PCDHGA2: variants seen among roughly 807,000 people sequenced by gnomAD.
PCDHGA2 encodes the protein protocadherin gamma subfamily A, 2, also known as protocadherin gamma-A2.
PCDHGA2 carries 40 observed loss-of-function variants against 59.2 expected under a neutral mutation model. The ratio of observed to expected loss-of-function variants is 0.68; its 90% CI spans 0.52 to 0.88. The LOEUF is 0.88. Among genes scored for constraint, PCDHGA2 ranks in the 40% least tolerant of loss-of-function variants. The pLI is 0.00. For synonymous variants in PCDHGA2, 560 were observed against 526.0 expected (o/e 1.06, Z -0.89); for missense variants, 1,226 against 1,204.0 (o/e 1.02, Z -0.27).
intron 1 of PCDHGA2, chr5:141,410,156 C>T: frequency 6.2e-7 from 1 of 1,613,514 alleles, no homozygotes; most frequent in Non-Finnish European, 8.5e-7. Context: ...CGGTGGACAG[C>T]CGCCACTCTC....
chr5:141,448,192 TACAAAC>T (rs2098573842), intron 1 of PCDHGA2, among the ~76,000 whole-genome samples: 1 of 152,188 alleles, frequency 6.6e-6, no homozygotes, highest in Non-Finnish European at 1.5e-5. Flanking sequence ...TATGTACACT[TACAAAC>T]ATTTTCTGTG....
At chr5:141,428,082 G>C (rs776612130) in intron 1 of PCDHGA2, 2 of 1,609,030 alleles carry the variant, frequency 1.2e-6, no homozygotes, top group Non-Finnish European at 8.5e-7. Flanking sequence ...GGGACACAAC[G>C]CTTGGCTGTC....
chr5:141,373,098 C>T (rs1402463048), intron 1 of PCDHGA2, among the ~76,000 whole-genome samples: 2 of 152,208 alleles, frequency 1.3e-5, no homozygotes, highest in Non-Finnish European at 2.9e-5. Flanking sequence ...CTGTCATTTT[C>T]AGACATATCT....
rs548263490 is a variant in PCDHGA2, at chr5:141,390,417, A to G, written c.2424+49022A>G. On this transcript the variant is annotated intron_variant, in intron 1 of 3. Transcript: ENST00000394576. ...CATTTTAGGAAAGTTGTAGTCAGTT[A>G]AAAAGCTGTCATATCATTCTACAAA... 4 of 1,127,796 alleles carry G rather than the reference A, an allele frequency of 3.5e-6. No homozygotes were observed. The South Asian group carries it at 4.8e-5, about 13-fold the overall frequency. 69.9% of individuals were successfully genotyped at this position (1,127,796 alleles called of 1,614,324 possible). A position where few individuals can be genotyped will look rare whatever the true frequency, so the allele number is the denominator to read the frequency against.
intron 1 of PCDHGA2, among the ~76,000 whole-genome samples, chr5:141,460,104 T>C (rs2098982178): frequency 6.6e-6 from 1 of 151,986 alleles, no homozygotes; most frequent in African/African-American, 2.4e-5. Flanking sequence ...CATGTAATTA[T>C]ATATGATTTT....
At chr5:141,357,440 G>C in intron 1 of PCDHGA2, 1 of 1,614,198 alleles carries the variant, frequency 6.2e-7, no homozygotes, top group Non-Finnish European at 8.5e-7. Flanking sequence ...GACGGGGTTC[G>C]GGCTTTCCTG....
At chr5:141,404,524 G>C (rs368795324) in intron 1 of PCDHGA2, 3 of 1,613,938 alleles carry the variant, frequency 1.9e-6, no homozygotes, top group Non-Finnish European at 2.5e-6. Context: ...ACTATGAGCA[G>C]TTTAGAGATT....
chr5:141,458,350 A>C (rs1259508706), intron 1 of PCDHGA2, among the ~76,000 whole-genome samples: 1 of 152,162 alleles, frequency 6.6e-6, no homozygotes, highest in East Asian at 1.9e-4. Flanking sequence ...GGAGAGTTTA[A>C]TAAGCAAGAA....
rs2097368013 is a variant in PCDHGA2 at position 141,431,382 on chromosome 5, A to G, written c.2425-63425A>G. 6 of 1,613,756 alleles carry G rather than the reference A, an allele frequency of 3.7e-6. No homozygotes were observed. In the East Asian group the frequency reaches 1.1e-4, roughly 30 times the overall value. On this transcript the variant is annotated intron_variant, in intron 1 of 3. Transcript: ENST00000394576. This position sits in a 1 kb window ranked among gnomAD's most constrained non-coding sequence, Gnocchi z 4.8. ...CTGGACCGCGAAGAAAAGGCTGCTC[A>G]CCACCTGGTCCTTACGGCCTCCGAC... is the stretch of plus-strand genomic sequence containing the variant.
At chr5:141,362,069 C>T in intron 1 of PCDHGA2, 1 of 1,612,628 alleles carries the variant, frequency 6.2e-7, no homozygotes, top group African/African-American at 1.3e-5. Context: ...CTGCTGGTCG[C>T]TGTGCGTGAT....
intron 1 of PCDHGA2, among the ~76,000 whole-genome samples, chr5:141,471,046 CT>C (rs1170588345): frequency 0.24 from 27,253 of 113,216 alleles, 2,739 homozygotes; most frequent in African/African-American, 0.39. Context: ...CCCAAGCCCT[CT>C]TTTTTTTTTT....
intron 1 of PCDHGA2, chr5:141,414,596 C>T: frequency 6.2e-7 from 1 of 1,613,962 alleles, no homozygotes; most frequent in Non-Finnish European, 8.5e-7. Context: ...AGGGGTGCCT[C>T]CATCTTCTCA....
At chr5:141,445,169 T>C (rs2098458681) in intron 1 of PCDHGA2, among the ~76,000 whole-genome samples, 3 of 152,320 alleles carry the variant, frequency 2.0e-5, no homozygotes, top group Non-Finnish European at 1.5e-5. Flanking sequence ...TACAGAAAAA[T>C]GAAAAACTAT....
Position 141,339,037 on chromosome 5 carries a change from C to G in PCDHGA2, c.66C>G (p.Thr22=). 1.9e-6 allele frequency: 3 copies of G among 1,603,578 alleles called. No homozygotes were observed. Among genetic ancestry groups the G allele is most frequent in the Non-Finnish European group, 1.7e-6 (2 of 1,172,218 alleles). ...KLVLLCFLLA[T]LWEARAGQIR... Reference sequence around the variant, plus strand: ...TCCTGCTGTGCTTCCTTTTGGCGACCCTGTGGGAGGCCAGGGCCGGGCAGA... The same window carrying G: ...TCCTGCTGTGCTTCCTTTTGGCGACGCTGTGGGAGGCCAGGGCCGGGCAGA... Residue 22 remains threonine (T), a synonymous_variant, in exon 1 of 4, where the codon ACC becomes ACG. Coordinates refer to ENST00000394576, the MANE Select transcript of PCDHGA2 (RefSeq NM_018915.4).
At position 141,341,956 on chromosome 5, in the gene PCDHGA2, A is replaced by T. The variant is rs549064476; in HGVS notation, c.2424+561A>T. 6.4e-5 allele frequency: 10 copies of T among 157,384 alleles called. No individual in the cohort carries two copies. The South Asian group carries it at 1.8e-3, about 29-fold the overall frequency. 9.7% of individuals were successfully genotyped at this position (157,384 alleles called of 1,614,324 possible). Reference sequence around the variant, plus strand: ...TAAAAATATGGAAATTTAGAAATATACATTCCTTACAGTGTTTCAGGAAGG... The same window carrying T: ...TAAAAATATGGAAATTTAGAAATATTCATTCCTTACAGTGTTTCAGGAAGG... On this transcript the variant is annotated intron_variant, in intron 1 of 3. Transcript: ENST00000394576.
At chr5:141,346,508 T>C in intron 1 of PCDHGA2, 2 of 1,608,490 alleles carry the variant, frequency 1.2e-6, no homozygotes, top group Non-Finnish European at 1.7e-6. Flanking sequence ...AGAATGTGGT[T>C]ATTATAAAGC....
At chr5:141,387,529 T>C (rs933925608) in intron 1 of PCDHGA2, among the ~76,000 whole-genome samples, 2 of 152,236 alleles carry the variant, frequency 1.3e-5, no homozygotes, top group East Asian at 1.9e-4. Flanking sequence ...TACAGACGTA[T>C]CCACGTAGTT....
intron 1 of PCDHGA2, chr5:141,419,008 G>T: frequency 6.2e-7 from 1 of 1,613,978 alleles, no homozygotes; most frequent in Non-Finnish European, 8.5e-7. Flanking sequence ...GGGAAGTCAG[G>T]TGTAGCTTAA....
chr5:141,340,546 G>T lies in PCDHGA2; in HGVS notation c.1575G>T (p.Leu525Phe). ...YALRSFDYEQ[L>F]RDLQVWVIAR... ...TGCGCTCCTTTGATTATGAGCAGTT[G>T]CGAGACTTGCAAGTGTGGGTGATAG... is the stretch of plus-strand genomic sequence containing the variant. The change falls in exon 1 of 4, where the codon TTG becomes TTT. Residue 525 changes from leucine to phenylalanine, a missense_variant. Transcript: ENST00000394576. The T allele has an allele frequency of 6.2e-7, 1 of 1,614,240 alleles. No homozygotes were observed. The highest frequency in any genetic ancestry group is 8.5e-7 in the Non-Finnish European group (1 of 1,180,046).
Sources: gnomAD v4.1 joint callset for allele counts (sites outside exome capture counted in the v4.1 genomes callset) on GRCh38, gnomAD v4.1.1 for gene constraint, Gnocchi (gnomAD v3.1) non-coding constraint, MANE v1.5 for transcripts, NCBI Gene and HGNC (gene_info 2026-07-23, HGNC 2026-07-21) for gene names.